The following SORCS1 variants were observed in gnomAD, a reference collection of about 807,000 sequenced individuals.
SORCS1 encodes VPS10 domain-containing receptor SorCS1.
SORCS1 carries 60 observed loss-of-function variants against 146.1 expected under a neutral mutation model. That is an observed-to-expected ratio of 0.41 (90% CI 0.33 to 0.51). The LOEUF is 0.51. SORCS1 is among the 20% of genes least tolerant of loss of function. The pLI is 0.21. For synonymous variants in SORCS1, 637 were observed against 584.0 expected, an observed-to-expected ratio of 1.09 and a Z score of -1.31; for missense variants, 1,352 against 1,487.6, an observed-to-expected ratio of 0.91 and a Z score of 1.50.
chr10:106,658,314 TA>T (rs35145082), intron 17 of SORCS1, among the ~76,000 whole-genome samples: 203 of 144,748 alleles, frequency 1.4e-3, no homozygotes, highest in East Asian at 2.0e-3. Context: ...TACTCATCCT[TA>T]AAAAAAAAAA....
At chr10:107,087,979 C>T (rs1230028967) in intron 1 of SORCS1, among the ~76,000 whole-genome samples, 2 of 152,190 alleles carry the variant, frequency 1.3e-5, no homozygotes, top group African/African-American at 4.8e-5. Context: ...AGCACAGTGG[C>T]GTGATCTCGG....
Position 106,665,753 on chromosome 10 carries a change from C to T in SORCS1, c.2303+1936G>A, listed in dbSNP as rs148007850. 1.0e-3 allele frequency among the ~76,000 whole-genome samples: 152 copies of T among 152,176 alleles called. 1 individual carries two copies. The highest frequency in any genetic ancestry group is 3.5e-3 in the African/African-American group (146 of 41,536). On this transcript the variant is annotated intron_variant, in intron 17 of 25. Coordinates refer to ENST00000263054, the MANE Select transcript of SORCS1 (RefSeq NM_052918.5). Reference sequence around the variant, plus strand: ...TAAATATATAATTCTTTAATATCACCTATGATGGGTAACTTAATATGCGAA... The same window carrying T: ...TAAATATATAATTCTTTAATATCACTTATGATGGGTAACTTAATATGCGAA...
chr10:106,620,388 G>T, intron 20 of SORCS1, 40 bp downstream of exon 20: 1 of 1,586,396 alleles, frequency 6.3e-7, no homozygotes, highest in South Asian at 1.1e-5. Context: ...AGCGTGAATT[G>T]AGCTTCTGTC....
At chr10:106,835,080 G>T (rs1319927020) in intron 2 of SORCS1, among the ~76,000 whole-genome samples, 1 of 152,038 alleles carries the variant, frequency 6.6e-6, no homozygotes, top group Non-Finnish European at 1.5e-5. Context: ...GCTGAAATAA[G>T]TCGCTCTGTG....
At chr10:106,895,864 C>G (rs551250426) in intron 2 of SORCS1, among the ~76,000 whole-genome samples, 2 of 152,164 alleles carry the variant, frequency 1.3e-5, no homozygotes, top group African/African-American at 4.8e-5. Flanking sequence ...CCAACAATAG[C>G]AACTCAACTA....
chr10:106,779,018 C>T (rs1860682603), intron 3 of SORCS1, among the ~76,000 whole-genome samples: 1 of 152,084 alleles, frequency 6.6e-6, no homozygotes, highest in African/African-American at 2.4e-5. Context: ...CATCCTGTAT[C>T]AGGTAATATT....
chr10:106,843,236 T>C (rs1949132221), intron 2 of SORCS1, among the ~76,000 whole-genome samples: 3 of 152,086 alleles, frequency 2.0e-5, no homozygotes. Flanking sequence ...ATGCTTTGAC[T>C]CATATTTCCA....
chr10:107,009,937 C>T (rs1031809365), intron 1 of SORCS1, among the ~76,000 whole-genome samples: 2 of 151,946 alleles, frequency 1.3e-5, no homozygotes, highest in Non-Finnish European at 2.9e-5. Context: ...TATCTGGTAC[C>T]GATTCAGTAT....
the SORCS1 span, among the ~76,000 whole-genome samples, chr10:107,177,346 C>CT: frequency 6.6e-6 from 1 of 152,244 alleles, no homozygotes; most frequent in East Asian, 1.9e-4. Context: ...CCCATGTACT[C>CT]TTTGGCCAGT....
intron 3 of SORCS1, among the ~76,000 whole-genome samples, chr10:106,825,505 C>A (rs1948260462): frequency 6.6e-6 from 1 of 151,986 alleles, no homozygotes; most frequent in South Asian, 2.1e-4. Flanking sequence ...ATCTCCTGAC[C>A]TCGTGATCCA....
chr10:106,652,367 A>G lies in SORCS1; in HGVS notation c.2475+15T>C. On this transcript the variant is annotated intron_variant, in intron 18 of 25. Transcript: ENST00000263054. ...TGGCCCTAGAAAGTAGGGGGGAGAT[A>G]GGAATCAGTCCTACCTCTTCTAATT... 3.8e-6 allele frequency: 6 copies of G among 1,588,502 alleles called. No homozygotes were observed. Among genetic ancestry groups the G allele is most frequent in the Non-Finnish European group, 5.2e-6 (6 of 1,160,682 alleles).
At chr10:106,788,917 C>G (rs1946185802) in intron 3 of SORCS1, among the ~76,000 whole-genome samples, 1 of 152,236 alleles carries the variant, frequency 6.6e-6, no homozygotes, top group Non-Finnish European at 1.5e-5. Flanking sequence ...AGCAGAGGTT[C>G]TCCATGAGGC....
At chr10:106,617,348 C>T (rs1168159969) in intron 21 of SORCS1, among the ~76,000 whole-genome samples, 1 of 152,046 alleles carries the variant, frequency 6.6e-6, no homozygotes, top group Non-Finnish European at 1.5e-5. Context: ...ATTTCCACTT[C>T]TTATATTTCA....
intron 2 of SORCS1, among the ~76,000 whole-genome samples, chr10:106,857,056 A>G (rs1379415844): frequency 1.3e-5 from 2 of 152,134 alleles, no homozygotes; most frequent in Admixed American, 1.3e-4. Flanking sequence ...TGATCAGAAA[A>G]TCTCTGCCTG....
intron 1 of SORCS1, among the ~76,000 whole-genome samples, chr10:107,024,638 A>G (rs1405518216): frequency 2.6e-5 from 4 of 152,180 alleles, no homozygotes; most frequent in Non-Finnish European, 5.9e-5. Context: ...GAGAGGTAGT[A>G]GCATAATGAG....
At chr10:106,886,079 TG>T (rs1950989923) in intron 2 of SORCS1, among the ~76,000 whole-genome samples, 1 of 152,076 alleles carries the variant, frequency 6.6e-6, no homozygotes, top group Admixed American at 6.6e-5. Context: ...CTGGCCAACA[TG>T]GTGAAACCCC....
At chr10:107,099,845 G>A (rs1019739400) in intron 1 of SORCS1, among the ~76,000 whole-genome samples, 2 of 152,172 alleles carry the variant, frequency 1.3e-5, no homozygotes, top group Admixed American at 1.3e-4. Flanking sequence ...TGAAGTAAGA[G>A]ATTAATTAGC....
intron 1 of SORCS1, among the ~76,000 whole-genome samples, chr10:107,080,212 T>C (rs1228812911): frequency 6.6e-6 from 1 of 152,200 alleles, no homozygotes; most frequent in Admixed American, 6.5e-5. Context: ...CTCCAGTGCT[T>C]TGAGTGGCTG....
At chr10:106,632,170 A>G (rs1216025130) in intron 18 of SORCS1, among the ~76,000 whole-genome samples, 2 of 152,216 alleles carry the variant, frequency 1.3e-5, no homozygotes, top group Non-Finnish European at 2.9e-5. Flanking sequence ...GAATACTCCA[A>G]TCAAATGTGA....
Sources: gnomAD v4.1 joint callset for allele counts (sites outside exome capture counted in the v4.1 genomes callset) on GRCh38, gnomAD v4.1.1 for gene constraint, MANE v1.5 for transcripts, NCBI Gene and HGNC (gene_info 2026-07-23, HGNC 2026-07-21) for gene names.